The following PTPRN2 variants were observed in gnomAD, a reference collection of about 807,000 sequenced individuals.
PTPRN2 encodes receptor-type tyrosine-protein phosphatase N2.
In PTPRN2, 74 loss-of-function variants were observed where a neutral mutation model predicts 118.8. The ratio of observed to expected loss-of-function variants is 0.62; its 90% CI spans 0.52 to 0.76. The LOEUF (loss-of-function observed/expected upper bound fraction) is 0.76, where lower values mean the gene tolerates loss of function less well. Ranked by LOEUF, PTPRN2 falls within the 30% of genes least tolerant of loss-of-function variation. The probability of loss-of-function intolerance (pLI) is 0.00; values close to 1 mark genes in which losing one functional copy is unlikely to be tolerated. For missense variants in PTPRN2, 1,481 were observed against 1,394.4 expected, an observed-to-expected ratio of 1.06 and a Z score of -0.99; for synonymous variants, 641 against 608.0, an observed-to-expected ratio of 1.05 and a Z score of -0.80.
intron 14 of PTPRN2, among the ~76,000 whole-genome samples, chr7:157,631,514 C>T (rs887651743): frequency 3.3e-4 from 50 of 151,646 alleles, no homozygotes; most frequent in South Asian, 1.2e-3. Context: ...CTGGCTAACA[C>T]GGTGAAACCC....
chr7:158,277,305 C>G (rs1799084891), intron 3 of PTPRN2, among the ~76,000 whole-genome samples: 1 of 152,190 alleles, frequency 6.6e-6, no homozygotes, highest in Non-Finnish European at 1.5e-5. Flanking sequence ...CCATTCGGTC[C>G]CACACCTCAG....
chr7:158,323,089 C>T (rs527877315), intron 2 of PTPRN2, among the ~76,000 whole-genome samples: 5 of 152,280 alleles, frequency 3.3e-5, no homozygotes, highest in East Asian at 1.9e-4. Context: ...TTCTGGGAGA[C>T]GTTCTGTAGA....
chr7:158,265,080 G>A (rs564318434), intron 3 of PTPRN2, among the ~76,000 whole-genome samples: 2 of 152,120 alleles, frequency 1.3e-5, no homozygotes, highest in Admixed American at 1.3e-4. Flanking sequence ...TCTGCTCCAG[G>A]TAGGCTACCT....
intron 11 of PTPRN2, among the ~76,000 whole-genome samples, chr7:158,008,051 AGGTGTGCTGTGTGTG>A (rs749890238): frequency 0.016 from 1,547 of 96,226 alleles, 29 homozygotes; most frequent in African/African-American, 0.06. Flanking sequence ...GTGTGTGTGG[AGGTGTGCTGTGTGTG>A]GGTGTGCTGT....
At position 158,130,096 on chromosome 7, in the gene PTPRN2, C is replaced by T. The variant is rs756623245; in HGVS notation, c.1556+3581G>A. ...TAATTTGGCTTTGATACACACTCTG[C>T]GGTTTGAGCTCAAGATAAAATATTT... On this transcript the variant is annotated intron_variant, in intron 9 of 22. Coordinates refer to ENST00000389418, the MANE Select transcript of PTPRN2 (RefSeq NM_002847.5). 4.6e-5 allele frequency among the ~76,000 whole-genome samples: 7 copies of T among 152,186 alleles called. No homozygotes were observed. The East Asian group carries it at 5.8e-4, about 13-fold the overall frequency.
chr7:157,978,441 T>C lies in PTPRN2; in HGVS notation c.1724-79704A>G, dbSNP rs554125609. 3.4e-3 allele frequency among the ~76,000 whole-genome samples: 523 copies of C among 152,202 alleles called. 2 individuals are homozygous for C. Among genetic ancestry groups the C allele is most frequent in the African/African-American group, 0.011 (477 of 41,562 alleles). On this transcript the variant is annotated intron_variant, in intron 11 of 22. Coordinates refer to ENST00000389418, the MANE Select transcript of PTPRN2 (RefSeq NM_002847.5). ...AGCCAGGGACCATTCGGGAAATTGT[T>C]TAGCAATGCTCTGAGTCTTTTACTC...
At chr7:157,589,154 A>G (rs2150551744) in intron 17 of PTPRN2, among the ~76,000 whole-genome samples, 1 of 152,200 alleles carries the variant, frequency 6.6e-6, no homozygotes, top group Admixed American at 6.5e-5. Flanking sequence ...CCCTAGATTC[A>G]TACTAGGCTT....
At chr7:158,040,449 A>T (rs542599778) in intron 11 of PTPRN2, among the ~76,000 whole-genome samples, 1 of 152,246 alleles carries the variant, frequency 6.6e-6, no homozygotes, top group Admixed American at 6.5e-5. Context: ...GTGCACACAC[A>T]CTGCAGAAAA....
chr7:158,202,980 T>A lies in PTPRN2; in HGVS notation c.380+2191A>T, dbSNP rs571162753. Reference sequence around the variant, plus strand: ...CAGATGTGGTGGCTCATGCCTGTAATCCTAGCACTCTGGGAGGCCAAGGTG... The same window carrying A: ...CAGATGTGGTGGCTCATGCCTGTAAACCTAGCACTCTGGGAGGCCAAGGTG... On this transcript the variant is annotated intron_variant, in intron 4 of 22. Transcript: ENST00000389418. Among the ~76,000 whole-genome samples the A allele has an allele frequency of 4.4e-4, 67 of 152,066 alleles. 1 individual carries two copies. In the South Asian group the frequency reaches 0.013, roughly 29 times the overall value.
At chr7:158,327,874 C>A (rs752467079) in intron 2 of PTPRN2, among the ~76,000 whole-genome samples, 1 of 152,140 alleles carries the variant, frequency 6.6e-6, no homozygotes, top group East Asian at 1.9e-4. Context: ...CCCTCGGTCC[C>A]ATGGGGCTTC....
chr7:158,570,826 T>C lies in PTPRN2; in HGVS notation c.112+16732A>G, dbSNP rs948620516. Among the ~76,000 whole-genome samples, 4 of 152,208 alleles carry C rather than the reference T, an allele frequency of 2.6e-5. No individual in the cohort carries two copies. The highest frequency in any genetic ancestry group is 9.7e-5 in the African/African-American group (4 of 41,450). On this transcript the variant is annotated intron_variant, in intron 1 of 22. Coordinates refer to ENST00000389418, the MANE Select transcript of PTPRN2 (RefSeq NM_002847.5). This position sits in a 1 kb window ranked among gnomAD's most constrained non-coding sequence, Gnocchi z 4.5. ...AACCCTGTGGAGCTCATGGCTTTTG[T>C]GACTGAGACTAAAAGCATCCATAAA... is the stretch of plus-strand genomic sequence containing the variant.
At chr7:158,135,388 G>T (rs1818722198) in intron 8 of PTPRN2, among the ~76,000 whole-genome samples, 1 of 152,184 alleles carries the variant, frequency 6.6e-6, no homozygotes, top group Non-Finnish European at 1.5e-5. Flanking sequence ...TTACTAAACA[G>T]AGCTAGGAAA....
chr7:157,850,998 G>A (rs1450231941), intron 12 of PTPRN2, among the ~76,000 whole-genome samples: 2 of 152,244 alleles, frequency 1.3e-5, no homozygotes, highest in Admixed American at 1.3e-4. Flanking sequence ...GAGAAAAGCA[G>A]CGGAATGGGC....
rs1384685037 is a variant in PTPRN2, at chr7:157,590,497, A to G, written c.2496+4741T>C. Among the ~76,000 whole-genome samples, 1 of 152,224 alleles carries G rather than the reference A, an allele frequency of 6.6e-6. No individual in the cohort carries two copies. The highest frequency in any genetic ancestry group is 1.5e-5 in the Non-Finnish European group (1 of 68,040). Reference sequence around the variant, plus strand: ...GATGTAAGTCAAATTTTGGAAATCAAATTCTTGAAATGCATCCAGTGTCCA... The same window carrying G: ...GATGTAAGTCAAATTTTGGAAATCAGATTCTTGAAATGCATCCAGTGTCCA... On this transcript the variant is annotated intron_variant, in intron 17 of 22. Coordinates refer to ENST00000389418, the MANE Select transcript of PTPRN2 (RefSeq NM_002847.5). The surrounding 1 kb of genome is among the most constrained non-coding windows in gnomAD (Gnocchi z 4.0).
chr7:157,576,900 C>T (rs1778138579), intron 18 of PTPRN2, 121 bp from the exon 19 acceptor site: 1 of 1,034,440 alleles, frequency 9.7e-7, no homozygotes, highest in African/African-American at 1.6e-5. Context: ...GAAGAGGGCA[C>T]ATTTTACAGC....
At chr7:158,263,516 C>T (rs1474678156) in intron 3 of PTPRN2, among the ~76,000 whole-genome samples, 1 of 152,264 alleles carries the variant, frequency 6.6e-6, no homozygotes, top group Non-Finnish European at 1.5e-5. Context: ...GGGTTTGGGG[C>T]AGGCCCATCA....
rs1189319502 is a variant in PTPRN2, at chr7:157,570,719, G to A, written c.2837+721C>T. 5.3e-5 allele frequency among the ~76,000 whole-genome samples: 8 copies of A among 152,188 alleles called. No homozygotes were observed. The East Asian group carries it at 1.5e-3, about 29-fold the overall frequency. On this transcript the variant is annotated intron_variant, in intron 20 of 22. Coordinates refer to ENST00000389418, the MANE Select transcript of PTPRN2 (RefSeq NM_002847.5). ...TAAACTGGAGGTGGCTGTACCTCCT[G>A]TAATGACAGATTTCGTCCCTGTACA...
At chr7:158,005,047 T>TC (rs1805544447) in intron 11 of PTPRN2, among the ~76,000 whole-genome samples, 1 of 150,646 alleles carries the variant, frequency 6.6e-6, no homozygotes, top group Non-Finnish European at 1.5e-5. Flanking sequence ...ACCCATGAAG[T>TC]ACCTGCGGTC....
At chr7:158,468,893 T>C (rs541707694) in intron 2 of PTPRN2, among the ~76,000 whole-genome samples, 14 of 151,240 alleles carry the variant, frequency 9.3e-5, no homozygotes, top group African/African-American at 3.4e-4. Flanking sequence ...ACACTCCTGG[T>C]CAATCAACAG....
Sources: allele counts gnomAD v4.1 joint callset (sites outside exome capture counted in the v4.1 genomes callset), GRCh38; gene constraint gnomAD v4.1.1; non-coding constraint Gnocchi (gnomAD v3.1); transcripts MANE v1.5; gene names NCBI Gene and HGNC (gene_info 2026-07-23, HGNC 2026-07-21).